The following LRCH3 variants were observed in gnomAD, a reference collection of about 807,000 sequenced individuals.
LRCH3 encodes the protein DISP complex protein LRCH3.
In LRCH3, 68 loss-of-function variants were observed where a neutral mutation model predicts 104.5. That is an observed-to-expected ratio of 0.65 (90% CI 0.54 to 0.80). The LOEUF is 0.80. Among genes scored for constraint, LRCH3 ranks in the 30% least tolerant of loss-of-function variants. The pLI is 0.00. For missense variants in LRCH3, 951 were observed against 953.9 expected, an observed-to-expected ratio of 1.00 and a Z score of 0.04; for synonymous variants, 344 against 361.3, an observed-to-expected ratio of 0.95 and a Z score of 0.54.
At chr3:197,824,087 C>T (rs1385001072) in intron 4 of LRCH3, among the ~76,000 whole-genome samples, 1 of 149,704 alleles carries the variant, frequency 6.7e-6, no homozygotes, top group African/African-American at 2.5e-5. Flanking sequence ...TTTTTTGAGA[C>T]AGAGTCTTGC....
Position 197,885,724 on chromosome 3 carries a change from T to G in LRCH3, c.*2058T>G, listed in dbSNP as rs1560071303. 6.6e-6 allele frequency: 1 copy of G among 152,250 alleles called. No individual in the cohort carries two copies. 9.4% of individuals were successfully genotyped at this position (152,250 alleles called of 1,614,324 possible). A position where few individuals can be genotyped will look rare whatever the true frequency, so the allele number is the denominator to read the frequency against. ...ACCGCACAGGAGCCTTTACTCAAGT[T>G]TCAGCTAGTTTTCCTTCCCCTGCAT... On this transcript the variant is annotated 3_prime_UTR_variant, in exon 21 of 21. Coordinates refer to ENST00000425562, the MANE Select transcript of LRCH3 (RefSeq NM_001365715.1).
At chr3:197,864,195 A>C (rs111576375) in intron 15 of LRCH3, among the ~76,000 whole-genome samples, 16,420 of 152,170 alleles carry the variant, frequency 0.11, 930 homozygotes, top group African/African-American at 0.13. Context: ...AATCCCAGCT[A>C]CTCGGGAGGC....
Position 197,886,819 on chromosome 3 carries a change from A to C in LRCH3, c.*3153A>C, listed in dbSNP as rs898740912. On this transcript the variant is annotated 3_prime_UTR_variant, in exon 21 of 21. Coordinates refer to ENST00000425562, the MANE Select transcript of LRCH3 (RefSeq NM_001365715.1). ...GACTCTGTCTCAAAAAAAAAAAAAA[A>C]AAAAAACCCACCAAACCAAAAATAT... is the stretch of plus-strand genomic sequence containing the variant. The C allele has an allele frequency of 4.6e-5, 7 of 151,968 alleles. No individual in the cohort carries two copies. The highest frequency in any genetic ancestry group is 1.7e-4 in the African/African-American group (7 of 41,330). The allele number at this position is 151,968 out of a possible 1,614,324, so 9.4% of individuals were successfully genotyped here.
At chr3:197,830,627 C>CAA in intron 6 of LRCH3, 143 bp from the exon 7 acceptor site, 1 of 610,168 alleles carries the variant, frequency 1.6e-6, no homozygotes, top group Non-Finnish European at 2.9e-6. Context: ...TGGAATTTTT[C>CAA]ATATTAAAAA....
At chr3:197,813,698 C>CTT (rs1201067717) in intron 1 of LRCH3, among the ~76,000 whole-genome samples, 1 of 150,882 alleles carries the variant, frequency 6.6e-6, no homozygotes, top group Admixed American at 6.6e-5. Context: ...GCCCGGCTAA[C>CTT]TTTTGTATTT....
intron 1 of LRCH3, among the ~76,000 whole-genome samples, chr3:197,812,435 T>C (rs946314508): frequency 2.6e-5 from 4 of 151,652 alleles, no homozygotes; most frequent in Non-Finnish European, 5.9e-5. Context: ...TGTTTCCATC[T>C]TTTGACTGTT....
At chr3:197,866,056 T>G (rs1480808164) in intron 16 of LRCH3, 56 bp from the exon 17 acceptor site, 1 of 1,215,788 alleles carries the variant, frequency 8.2e-7, no homozygotes, top group South Asian at 1.2e-5. Context: ...AACTTGTATG[T>G]CTGCTATTAT....
intron 8 of LRCH3, among the ~76,000 whole-genome samples, chr3:197,835,280 T>C (rs899024956): frequency 3.3e-5 from 5 of 151,568 alleles, no homozygotes; most frequent in African/African-American, 9.7e-5. Context: ...GTCTCCCGGG[T>C]TCAAGCAATT....
intron 3 of LRCH3, among the ~76,000 whole-genome samples, 185 bp downstream of exon 3, chr3:197,817,487 A>G (rs1470719483): frequency 1.3e-5 from 2 of 150,758 alleles, no homozygotes; most frequent in African/African-American, 4.9e-5. Context: ...TTGGTAATGA[A>G]TCATATACTG....
intron 9 of LRCH3, among the ~76,000 whole-genome samples, chr3:197,837,340 T>C (rs1470835060): frequency 6.6e-6 from 1 of 152,166 alleles, no homozygotes; most frequent in Non-Finnish European, 1.5e-5. Flanking sequence ...TATACTACTA[T>C]AAAAAAATAG....
At chr3:197,864,857 C>T (rs937561062) in intron 15 of LRCH3, among the ~76,000 whole-genome samples, 3 of 151,268 alleles carry the variant, frequency 2.0e-5, no homozygotes, top group African/African-American at 7.3e-5. Flanking sequence ...ACTGTCTCTA[C>T]AAAAAATGCA....
In LRCH3 at chr3:197,858,890, C is replaced by T; in HGVS notation, c.1701C>T (p.Ala567=). The change falls in exon 15 of 21, where the codon GCC becomes GCT. Residue 567 remains alanine (A), a synonymous_variant. Transcript: ENST00000425562. ...GCAATLPHSS[A]FTPLKSDDRP... ...CTGCTACCCTGCCTCATTCTTCTGC[C>T]TTCACGCCTCTTAAGGTATCTCTTG... The T allele has an allele frequency of 1.2e-6, 2 of 1,613,502 alleles. No homozygotes were observed. The highest frequency in any genetic ancestry group is 1.7e-6 in the Non-Finnish European group (2 of 1,179,440).
At chr3:197,878,395 G>GT (rs1419873372) in intron 20 of LRCH3, among the ~76,000 whole-genome samples, 2 of 152,126 alleles carry the variant, frequency 1.3e-5, no homozygotes, top group African/African-American at 4.8e-5. Context: ...GACCATGTTT[G>GT]TTATGGGCCA....
rs1230655552 is a variant in LRCH3, at chr3:197,883,711, A to G, written c.*45A>G. 2.3e-5 allele frequency: 35 copies of G among 1,511,336 alleles called. No homozygotes were observed. In the East Asian group the frequency reaches 8.4e-4, roughly 36 times the overall value. The allele number at this position is 1,511,336 out of a possible 1,614,324, so 93.6% of individuals were successfully genotyped here. A position where few individuals can be genotyped will look rare whatever the true frequency, so the allele number is the denominator to read the frequency against. The stretch of plus-strand genomic sequence containing the variant: ...CACTGGCCTGGCCAAAACAAGGAAC[A>G]GGACACCGTGATTGCTGCTGCCAGC... On this transcript the variant is annotated 3_prime_UTR_variant, in exon 21 of 21. Transcript: ENST00000425562. This position sits in a 1 kb window ranked among gnomAD's most constrained non-coding sequence, Gnocchi z 4.2.
chr3:197,834,031 T>C (rs984250832), intron 8 of LRCH3, among the ~76,000 whole-genome samples: 26 of 152,270 alleles, frequency 1.7e-4, no homozygotes, highest in Non-Finnish European at 3.8e-4. Flanking sequence ...GTCACAGAAT[T>C]ATTTGTCAAT....
chr3:197,856,606 C>CT lies in LRCH3; in HGVS notation c.1644+2162dup, dbSNP rs1293178470. ...CTCACTGTGTTGCCCAGGCTGGTCT[C>CT]TAACTCCAGGGCTCAAGCAATCCTC... On this transcript the variant is annotated intron_variant, in intron 14 of 20. Coordinates refer to ENST00000425562, the MANE Select transcript of LRCH3 (RefSeq NM_001365715.1). The surrounding 1 kb of genome is among the most constrained non-coding windows in gnomAD (Gnocchi z 4.2). 4.6e-5 allele frequency among the ~76,000 whole-genome samples: 7 copies of CT among 151,914 alleles called. No homozygotes were observed. Among genetic ancestry groups the CT allele is most frequent in the Non-Finnish European group, 8.8e-5 (6 of 67,970 alleles).
Position 197,854,242 on chromosome 3 carries a change from T to C in LRCH3, c.1591-150T>C. The C allele has an allele frequency of 1.4e-6, 1 of 709,652 alleles. No homozygotes were observed. The allele number at this position is 709,652 out of a possible 1,614,324, so 44.0% of individuals were successfully genotyped here. The stretch of plus-strand genomic sequence containing the variant: ...CTTACTGACTATTATAATGCATGAA[T>C]TCCAGATGATTGTGAATGTGGTCCT... On this transcript the variant is annotated intron_variant, in intron 13 of 20. Coordinates refer to ENST00000425562, the MANE Select transcript of LRCH3 (RefSeq NM_001365715.1). The surrounding 1 kb of genome is among the most constrained non-coding windows in gnomAD (Gnocchi z 4.5).
At chr3:197,812,606 T>C (rs1733307578) in intron 1 of LRCH3, among the ~76,000 whole-genome samples, 1 of 141,354 alleles carries the variant, frequency 7.1e-6, no homozygotes, top group Non-Finnish European at 1.5e-5. Flanking sequence ...AGCTGGATCA[T>C]ATGGTGGCTC....
At chr3:197,862,325 C>G (rs1346859008) in intron 15 of LRCH3, among the ~76,000 whole-genome samples, 1 of 152,194 alleles carries the variant, frequency 6.6e-6, no homozygotes, top group Admixed American at 6.5e-5. Flanking sequence ...AAGGAGAGAA[C>G]ATTCGCTGCC....
Sources: gnomAD v4.1 joint callset for allele counts (sites outside exome capture counted in the v4.1 genomes callset) on GRCh38, gnomAD v4.1.1 for gene constraint, Gnocchi (gnomAD v3.1) non-coding constraint, MANE v1.5 for transcripts, NCBI Gene and HGNC (gene_info 2026-07-23, HGNC 2026-07-21) for gene names.